USH1C: variants seen among roughly 807,000 people sequenced by gnomAD.
USH1C encodes USH1 protein network component harmonin.
USH1C carries 90 observed loss-of-function variants against 119.3 expected under a neutral mutation model. The ratio of observed to expected loss-of-function variants is 0.75; its 90% CI spans 0.64 to 0.90. USH1C has a LOEUF of 0.90. Ranked by LOEUF, USH1C falls within the 40% of genes least tolerant of loss-of-function variation. The probability of loss-of-function intolerance (pLI) is 0.00; values close to 1 mark genes in which losing one functional copy is unlikely to be tolerated. For synonymous variants in USH1C, 465 were observed against 443.3 expected (o/e 1.05, Z -0.62); for missense variants, 1,165 against 1,167.7 (o/e 1.00, Z 0.03).
intron 26 of USH1C, chr11:17,494,702 G>C (rs189045282): frequency 1.2e-5 from 5 of 420,952 alleles, no homozygotes; most frequent in African/African-American, 1.0e-4. Context: ...TGGTCTACCC[G>C]GCCAAGTGTC....
At chr11:17,521,050 C>G in intron 13 of USH1C, 56 bp from the exon 14 acceptor site, 1 of 1,610,412 alleles carries the variant, frequency 6.2e-7, no homozygotes, top group Non-Finnish European at 8.5e-7. Context: ...AGGCCCATCT[C>G]CTGCATATCG....
chr11:17,494,156 A>G lies in USH1C; in HGVS notation c.*176T>C, dbSNP rs1849160175. On this transcript the variant is annotated 3_prime_UTR_variant, in exon 27 of 27. Coordinates refer to ENST00000005226, the MANE Select transcript of USH1C (RefSeq NM_153676.4). Reference sequence around the variant, plus strand: ...CTCCCTTTCCTCCACGTTGGCCTTCAGAAGAGTGGCCCGAGCTGTTCCTTA... The same window carrying G: ...CTCCCTTTCCTCCACGTTGGCCTTCGGAAGAGTGGCCCGAGCTGTTCCTTA... The G allele has an allele frequency of 4.0e-6, 3 of 755,576 alleles. No individual in the cohort carries two copies. Among genetic ancestry groups the G allele is most frequent in the Admixed American group, 2.3e-5 (1 of 43,228 alleles). 46.8% of individuals were successfully genotyped at this position (755,576 alleles called of 1,614,324 possible).
intron 4 of USH1C, among the ~76,000 whole-genome samples, chr11:17,530,742 C>T (rs1048583976): frequency 1.3e-5 from 2 of 152,204 alleles, no homozygotes; most frequent in African/African-American, 2.4e-5. Flanking sequence ...GAATTGAACC[C>T]GGCTAACCCT....
At chr11:17,499,797 T>C (rs887935086) in intron 23 of USH1C, among the ~76,000 whole-genome samples, 1 of 152,218 alleles carries the variant, frequency 6.6e-6, no homozygotes, top group Non-Finnish European at 1.5e-5. Flanking sequence ...AGAGGTCTGG[T>C]TGCCAGCCCC....
Position 17,509,359 on chromosome 11 carries a change from T to C in USH1C, c.2010A>G (p.Pro670=). ...GCATGCAGAACAGGGACATTACCTT[T>C]GGGGTGGGTGGGAAGCTCTGTTCAG... ...PVPEQSFPPT[P]KTFCPSPQPP... The change falls in exon 18 of 27, where the codon CCA becomes CCG. Residue 670 remains proline (P), a synonymous_variant. Transcript: ENST00000005226. The C allele has an allele frequency of 6.3e-7, 1 of 1,575,672 alleles. No individual in the cohort carries two copies. Among genetic ancestry groups the C allele is most frequent in the Admixed American group, 1.7e-5 (1 of 57,786 alleles).
intron 7 of USH1C, 103 bp from the exon 8 acceptor site, chr11:17,526,544 G>A: frequency 8.5e-7 from 1 of 1,182,186 alleles, no homozygotes; most frequent in Non-Finnish European, 1.2e-6. Flanking sequence ...ACTCACGCCA[G>A]CCAGATCATC....
intron 18 of USH1C, among the ~76,000 whole-genome samples, chr11:17,508,499 A>G (rs747207807): frequency 6.6e-6 from 1 of 152,210 alleles, no homozygotes; most frequent in East Asian, 1.9e-4. Context: ...CTCAGCTGAC[A>G]TGAGATGCCT....
At chr11:17,516,357 G>T in intron 14 of USH1C, 67 bp from the exon 15 acceptor site, 1 of 1,514,474 alleles carries the variant, frequency 6.6e-7, no homozygotes, top group Non-Finnish European at 9.1e-7. Flanking sequence ...ATGGGCAGCA[G>T]ATGGGAGCTG....
intron 12 of USH1C, among the ~76,000 whole-genome samples, chr11:17,521,891 C>T (rs1183740594): frequency 1.3e-5 from 2 of 152,144 alleles, no homozygotes; most frequent in Admixed American, 6.5e-5. Flanking sequence ...TTCAGTGGTG[C>T]GATATCAGCT....
At chr11:17,541,938 G>T (rs1208616224) in intron 1 of USH1C, among the ~76,000 whole-genome samples, 1 of 152,160 alleles carries the variant, frequency 6.6e-6, no homozygotes, top group Non-Finnish European at 1.5e-5. Context: ...CTTGGTCAAG[G>T]TCTTCCTGAC....
At chr11:17,524,642 T>C (rs940799765) in intron 8 of USH1C, 107 bp from the exon 9 acceptor site, 20 of 1,221,274 alleles carry the variant, frequency 1.6e-5, no homozygotes, top group Non-Finnish European at 2.0e-5. Flanking sequence ...ACTGCCTACC[T>C]CTTCAGCCTC....
rs949585064 is a variant in USH1C, at chr11:17,494,374, G to A, written c.2658C>T (p.Asp886=). ...TTCCCCTTTTGGACTTCAGAAGAAG[G>A]TCCTGCAGGGAAGTGGAAACAGCCC... ...HGFLLQLEPT[D]LLLKSKRGNQ... is the part of the protein sequence containing the mutation. Residue 886 remains aspartate, a splice_region_variant and synonymous_variant, in exon 27 of 27, where the codon GAC becomes GAT. Transcript: ENST00000005226. The A allele has an allele frequency of 1.3e-6, 2 of 1,598,520 alleles. No individual in the cohort carries two copies. The highest frequency in any genetic ancestry group is 1.7e-6 in the Non-Finnish European group (2 of 1,171,980).
At chr11:17,516,344 T>G (rs1439610701) in intron 14 of USH1C, 54 bp from the exon 15 acceptor site, 2 of 1,570,346 alleles carry the variant, frequency 1.3e-6, no homozygotes, top group Non-Finnish European at 1.7e-6. Context: ...AGCCAGAGCA[T>G]CCATGGGCAG....
rs201644053 is a variant in USH1C at position 17,496,804 on chromosome 11, C to T, written c.2500G>A (p.Asp834Asn). The T allele has an allele frequency of 3.7e-5, 60 of 1,614,182 alleles. No homozygotes were observed. Among genetic ancestry groups the T allele is most frequent in the African/African-American group, 6.7e-5 (5 of 75,064 alleles). The change falls in exon 25 of 27, where the codon GAC (aspartate) becomes AAC (asparagine). Residue 834 changes from aspartate (D) to asparagine (N), a missense_variant. Coordinates refer to ENST00000005226, the MANE Select transcript of USH1C (RefSeq NM_153676.4). The stretch of plus-strand genomic sequence containing the variant: ...GGGGGGCAGACGGCAACCACAAGGT[C>T]GATCCAGTCCTGTGGGGAGAAGCCG... ...KAWNQGGDWIDLVVAVCPPKE... is the reference protein window; with the variant it reads ...KAWNQGGDWINLVVAVCPPKE...
At chr11:17,500,809 C>T (rs1251871192) in intron 23 of USH1C, among the ~76,000 whole-genome samples, 1 of 152,188 alleles carries the variant, frequency 6.6e-6, no homozygotes, top group Non-Finnish European at 1.5e-5. Context: ...AGTCCGTCTC[C>T]CACCCTGGCT....
chr11:17,531,105 A>C lies in USH1C; in HGVS notation c.387+49T>G, dbSNP rs370720613. ...CCTAGTGGATGAATGAGGGGGAGGC[A>C]GGAGGTCCGAGGCCCTCGCTCCCCC... On this transcript the variant is annotated intron_variant, in intron 4 of 26. Coordinates refer to ENST00000005226, the MANE Select transcript of USH1C (RefSeq NM_153676.4). This position sits in a 1 kb window ranked among gnomAD's most constrained non-coding sequence, Gnocchi z 4.2. The C allele has an allele frequency of 6.2e-7, 1 of 1,612,608 alleles. No homozygotes were observed. The highest frequency in any genetic ancestry group is 8.5e-7 in the Non-Finnish European group (1 of 1,179,714).
chr11:17,524,429 G>C, intron 9 of USH1C, 22 bp downstream of exon 9: 1 of 1,560,654 alleles, frequency 6.4e-7, no homozygotes, highest in South Asian at 1.2e-5. Context: ...GCCCCCACTG[G>C]GGCCGGCCCA....
chr11:17,505,084 T>C (rs568304267), intron 19 of USH1C, among the ~76,000 whole-genome samples: 1 of 152,384 alleles, frequency 6.6e-6, no homozygotes, highest in African/African-American at 2.4e-5. Flanking sequence ...TCACTGTGCA[T>C]GGGAGGCCAG....
intron 25 of USH1C, among the ~76,000 whole-genome samples, chr11:17,496,200 G>A (rs1467141554): frequency 6.6e-6 from 1 of 152,042 alleles, no homozygotes; most frequent in Admixed American, 6.6e-5. Context: ...AAGACAGAGA[G>A]GGAGGAGGAG....
Sources: gnomAD v4.1 joint callset for allele counts (sites outside exome capture counted in the v4.1 genomes callset) on GRCh38, gnomAD v4.1.1 for gene constraint, Gnocchi (gnomAD v3.1) non-coding constraint, MANE v1.5 for transcripts, NCBI Gene and HGNC (gene_info 2026-07-23, HGNC 2026-07-21) for gene names.